Variants in CDH1 observed in about 807,000 individuals in gnomAD.
The protein encoded by CDH1 is cadherin-1.
A neutral mutation model predicts 84.5 loss-of-function variants in CDH1; 35 were observed. The observed-to-expected ratio is 0.41, with a 90% CI of 0.32 to 0.55. The LOEUF (loss-of-function observed/expected upper bound fraction) is 0.55. Ranked by LOEUF, CDH1 falls within the 20% of genes least tolerant of loss-of-function variation. The pLI is 0.19. For synonymous variants in CDH1, 417 were observed against 439.0 expected (o/e 0.95, Z 0.63); for missense variants, 994 against 1,126.6 (o/e 0.88, Z 1.68).
At position 68,834,969 on chromosome 16, in the gene CDH1, G is replaced by A. The variant is rs1961598184; in HGVS notation, c.*1470G>A. 4.3e-6 allele frequency: 1 copy of A among 232,202 alleles called. No individual in the cohort carries two copies. 14.4% of individuals were successfully genotyped at this position (232,202 alleles called of 1,614,324 possible). A position where few individuals can be genotyped will look rare whatever the true frequency, so the allele number is the denominator to read the frequency against. Reference sequence around the variant, plus strand: ...TGAAAATTCTGGAAGGAATGGAGGAGTCTCAACATGTGTTTCTGACACAAG... The same window carrying A: ...TGAAAATTCTGGAAGGAATGGAGGAATCTCAACATGTGTTTCTGACACAAG... On this transcript the variant is annotated 3_prime_UTR_variant, in exon 16 of 16. Coordinates refer to ENST00000261769, the MANE Select transcript of CDH1 (RefSeq NM_004360.5).
At chr16:68,819,650 G>A (rs143621095) in intron 11 of CDH1, among the ~76,000 whole-genome samples, 34 of 152,152 alleles carry the variant, frequency 2.2e-4, no homozygotes, top group African/African-American at 7.2e-4. Context: ...CAAATAACAT[G>A]CATTGTACCC....
chr16:68,737,511 T>C (rs199960862), intron 1 of CDH1, 48 bp downstream of exon 1: 1 of 1,337,122 alleles, frequency 7.5e-7, no homozygotes, highest in Non-Finnish European at 9.8e-7. Context: ...GGCCGCAAGC[T>C]CCGCGCCCCA....
rs1161658106 is a variant in CDH1 at position 68,833,643 on chromosome 16, A to G, written c.*144A>G. 5.6e-5 allele frequency: 39 copies of G among 693,126 alleles called. No homozygotes were observed. The Admixed American group carries it at 7.6e-4, about 14-fold the overall frequency. The allele number at this position is 693,126 out of a possible 1,614,324, so 42.9% of individuals were successfully genotyped here. ...TTAGTGATGCAGTTAGTATAGCTTT[A>G]TACTCTCTCCACTTTATAGCTCTAA... is the stretch of plus-strand genomic sequence containing the variant. On this transcript the variant is annotated 3_prime_UTR_variant, in exon 16 of 16. Transcript: ENST00000261769.
chr16:68,790,243 C>CCGGCA (rs1484869675), intron 2 of CDH1, among the ~76,000 whole-genome samples: 10 of 152,142 alleles, frequency 6.6e-5, no homozygotes, highest in Admixed American at 1.3e-4. Context: ...GCTGCCCTTT[C>CCGGCA]CTGCACGGGG....
chr16:68,758,492 C>T (rs953873519), intron 2 of CDH1, among the ~76,000 whole-genome samples: 5 of 151,842 alleles, frequency 3.3e-5, no homozygotes. Flanking sequence ...GAGGTTGAGG[C>T]AGGAGGATCA....
intron 2 of CDH1, among the ~76,000 whole-genome samples, chr16:68,767,927 C>T (rs148072444): frequency 2.2e-3 from 334 of 151,938 alleles, no homozygotes; most frequent in Non-Finnish European, 3.6e-3. Context: ...AGACCCCCAT[C>T]TCTAAAAATA....
intron 10 of CDH1, among the ~76,000 whole-genome samples, chr16:68,819,064 C>T (rs749579032): frequency 1.3e-5 from 2 of 152,054 alleles, no homozygotes; most frequent in East Asian, 1.9e-4. Context: ...CCATGTTGAC[C>T]AGGCTGGTCT....
chr16:68,811,891 A>G (rs1472517060), intron 7 of CDH1, 32 bp downstream of exon 7: 1 of 1,611,468 alleles, frequency 6.2e-7, no homozygotes, highest in South Asian at 1.1e-5. Context: ...GAGGGTGTGG[A>G]GGACAAATGT....
intron 15 of CDH1, among the ~76,000 whole-genome samples, chr16:68,831,566 T>C (rs1961485820): frequency 6.6e-6 from 1 of 150,796 alleles, no homozygotes; most frequent in African/African-American, 2.4e-5. Flanking sequence ...TTTGAGACAG[T>C]TTCACTCTTG....
At chr16:68,777,837 T>C (rs1182159145) in intron 2 of CDH1, among the ~76,000 whole-genome samples, 2 of 151,870 alleles carry the variant, frequency 1.3e-5, no homozygotes, top group African/African-American at 4.8e-5. Context: ...GTTCAAGCGA[T>C]TCTCCTGCCT....
chr16:68,803,505 C>A (rs1296996524), intron 3 of CDH1, among the ~76,000 whole-genome samples: 2 of 152,130 alleles, frequency 1.3e-5, no homozygotes, highest in Non-Finnish European at 2.9e-5. Context: ...TCAAACAATT[C>A]TTCTGCCTCA....
intron 2 of CDH1, among the ~76,000 whole-genome samples, chr16:68,787,912 G>A (rs895484308): frequency 4.0e-5 from 6 of 148,170 alleles, no homozygotes; most frequent in Admixed American, 6.9e-5. Context: ...CGCAACCTCC[G>A]CCTCCTGGGT....
chr16:68,803,766 G>C (rs1447020691), intron 3 of CDH1, among the ~76,000 whole-genome samples: 1 of 152,096 alleles, frequency 6.6e-6, no homozygotes, highest in East Asian at 1.9e-4. Flanking sequence ...CTGCCTCCAT[G>C]TCTGCTGTAT....
At chr16:68,762,391 TA>T (rs1455754197) in intron 2 of CDH1, among the ~76,000 whole-genome samples, 2 of 152,132 alleles carry the variant, frequency 1.3e-5, no homozygotes, top group Non-Finnish European at 2.9e-5. Context: ...CCCCCAGCAT[TA>T]AGCCTGGCAT....
intron 2 of CDH1, among the ~76,000 whole-genome samples, chr16:68,767,023 C>T (rs541322838): frequency 8.6e-5 from 13 of 151,864 alleles, no homozygotes; most frequent in Non-Finnish European, 1.5e-4. Flanking sequence ...CACTGCGCCC[C>T]GCCTAGACCC....
At chr16:68,757,328 A>T (rs9646283) in intron 2 of CDH1, among the ~76,000 whole-genome samples, 3 of 152,002 alleles carry the variant, frequency 2.0e-5, no homozygotes, top group East Asian at 1.9e-4. Flanking sequence ...TGATCCGCCC[A>T]CCTTGGCCTC....
intron 2 of CDH1, among the ~76,000 whole-genome samples, chr16:68,781,100 C>CT (rs1464078846): frequency 1.3e-5 from 2 of 152,204 alleles, no homozygotes; most frequent in Non-Finnish European, 2.9e-5. Flanking sequence ...CCATGTTCTC[C>CT]TCTCACCTTT....
chr16:68,738,206 G>T, intron 1 of CDH1, 91 bp from the exon 2 acceptor site: 1 of 864,526 alleles, frequency 1.2e-6, no homozygotes, highest in Non-Finnish European at 1.9e-6. Context: ...TCCCGACGCC[G>T]GGAGCGAGGG....
chr16:68,751,955 T>G (rs1246475837), intron 2 of CDH1, among the ~76,000 whole-genome samples: 2 of 145,940 alleles, frequency 1.4e-5, no homozygotes, highest in African/African-American at 5.0e-5. Context: ...TTTTTGTATT[T>G]TTTTTTTTTT....
Sources: gnomAD v4.1 joint callset for allele counts (sites outside exome capture counted in the v4.1 genomes callset) on GRCh38, gnomAD v4.1.1 for gene constraint, MANE v1.5 for transcripts, NCBI Gene and HGNC (gene_info 2026-07-23, HGNC 2026-07-21) for gene names.